SLMAP: variants seen among roughly 807,000 people sequenced by gnomAD.
SLMAP encodes sarcolemmal membrane-associated protein.
In SLMAP, 44 loss-of-function variants were observed where a neutral mutation model predicts 128.8. That is an observed-to-expected ratio of 0.34 (90% CI 0.27 to 0.44). The LOEUF (loss-of-function observed/expected upper bound fraction) is 0.44, where lower values mean the gene tolerates loss of function less well. SLMAP is among the 20% of genes least tolerant of loss of function. The pLI is 1.00. For missense variants in SLMAP, 787 were observed against 985.3 expected (o/e 0.80, Z 2.69); for synonymous variants, 327 against 348.8 (o/e 0.94, Z 0.70).
At chr3:57,895,412 T>C (rs568146836) in intron 15 of SLMAP, among the ~76,000 whole-genome samples, 2 of 152,210 alleles carry the variant, frequency 1.3e-5, no homozygotes, top group East Asian at 3.9e-4. Flanking sequence ...CTCGGCTCAC[T>C]GCAACCTCCA....
intron 17 of SLMAP, among the ~76,000 whole-genome samples, chr3:57,905,824 G>A (rs1205077271): frequency 3.3e-5 from 5 of 151,954 alleles, no homozygotes; most frequent in Non-Finnish European, 7.4e-5. Context: ...CCTCCCAGGG[G>A]ACATTTGGCA....
chr3:57,822,086 T>C (rs2092572517), intron 2 of SLMAP, among the ~76,000 whole-genome samples: 1 of 152,124 alleles, frequency 6.6e-6, no homozygotes, highest in South Asian at 2.1e-4. Flanking sequence ...CAGTTTAGGG[T>C]TGCTCTCCAT....
intron 2 of SLMAP, among the ~76,000 whole-genome samples, chr3:57,775,527 A>AT (rs968085865): frequency 6.0e-5 from 9 of 148,900 alleles, no homozygotes; most frequent in African/African-American, 2.0e-4. Context: ...AAAAAAAAAA[A>AT]AAAAAAAAAA....
intron 17 of SLMAP, among the ~76,000 whole-genome samples, chr3:57,906,318 T>TCTTTTC: frequency 8.3e-6 from 1 of 120,190 alleles, no homozygotes; most frequent in Admixed American, 8.8e-5. Context: ...TTCTTTTTTT[T>TCTTTTC]TTTTTTTTTT....
Position 57,858,114 on chromosome 3 carries a change from A to T in SLMAP, c.642A>T (p.Leu214Phe). ...CTTTAATAGATGAAGATAGACTCTT[A>T]TCACGGTTAGAAGTTATGGGAAACC... ...WQALIDEDRL[L>F]SRLEVMGNQL... Residue 214 changes from leucine (L) to phenylalanine (F), a missense_variant, in exon 8 of 25, where the codon TTA (leucine) becomes TTT (phenylalanine). Transcript: ENST00000671191. The T allele has an allele frequency of 6.3e-7, 1 of 1,599,728 alleles. No individual in the cohort carries two copies. The highest frequency in any genetic ancestry group is 8.6e-7 in the Non-Finnish European group (1 of 1,167,038).
At chr3:57,783,153 C>A (rs1381887258) in intron 2 of SLMAP, among the ~76,000 whole-genome samples, 2 of 152,122 alleles carry the variant, frequency 1.3e-5, no homozygotes, top group African/African-American at 4.8e-5. Flanking sequence ...TTTGGAGGAG[C>A]AGGCTAGGAA....
At chr3:57,783,678 CTGTT>C (rs1232514977) in intron 2 of SLMAP, among the ~76,000 whole-genome samples, 1 of 152,160 alleles carries the variant, frequency 6.6e-6, no homozygotes, top group Non-Finnish European at 1.5e-5. Flanking sequence ...GGCCAAGTAA[CTGTT>C]TGCTAAGGAG....
At position 57,928,877 on chromosome 3, in the gene SLMAP, G is replaced by T. The variant is rs1269719733; in HGVS notation, c.*1588G>T. On this transcript the variant is annotated 3_prime_UTR_variant, in exon 25 of 25. Coordinates refer to ENST00000671191, the MANE Select transcript of SLMAP (RefSeq NM_001377540.1). ...ATTTATGGAGGAATTAGTCACAAAT[G>T]ACTTGTAGAAAATACTGTCATATAG... is the stretch of plus-strand genomic sequence containing the variant. The T allele has an allele frequency of 6.6e-6, 1 of 152,548 alleles. No individual in the cohort carries two copies. Among genetic ancestry groups the T allele is most frequent in the African/African-American group, 2.4e-5 (1 of 41,440 alleles). The allele number at this position is 152,548 out of a possible 1,614,324, so 9.4% of individuals were successfully genotyped here. A position where few individuals can be genotyped will look rare whatever the true frequency, so the allele number is the denominator to read the frequency against.
At position 57,769,495 on chromosome 3, in the gene SLMAP, AT is replaced by A. The variant is rs1054899747; in HGVS notation, c.198+11657del. 5.2e-3 allele frequency among the ~76,000 whole-genome samples: 772 copies of A among 147,336 alleles called. 17 individuals carry two copies. Among genetic ancestry groups the A allele is most frequent in the Admixed American group, 0.043 (639 of 14,788 alleles). ...GGCATGAGCCACCGCGCCCGGCTGG[AT>A]TTTTTTTTTTAAGACACAAGGTCTC... is the stretch of plus-strand genomic sequence containing the variant. On this transcript the variant is annotated intron_variant, in intron 2 of 24. Coordinates refer to ENST00000671191, the MANE Select transcript of SLMAP (RefSeq NM_001377540.1).
At chr3:57,892,537 A>C (rs2153653409) in intron 15 of SLMAP, among the ~76,000 whole-genome samples, 1 of 152,216 alleles carries the variant, frequency 6.6e-6, no homozygotes, top group East Asian at 1.9e-4. Context: ...AGATTGACAA[A>C]ATGTGAGCCA....
intron 21 of SLMAP, among the ~76,000 whole-genome samples, chr3:57,913,522 G>A (rs2096743307): frequency 6.6e-6 from 1 of 151,838 alleles, no homozygotes; most frequent in Non-Finnish European, 1.5e-5. Context: ...ATGTCCCAAA[G>A]AAACCCTGAA....
chr3:57,848,503 T>TCTTCTTTCTTCTTCTTC (rs1302443082), intron 5 of SLMAP, among the ~76,000 whole-genome samples: 1 of 150,696 alleles, frequency 6.6e-6, no homozygotes, highest in South Asian at 2.1e-4. Flanking sequence ...CCTACTTCCT[T>TCTTCTTTCTTCTTCTTC]CTTCTTTCTT....
At chr3:57,923,691 G>T (rs577225114) in intron 23 of SLMAP, among the ~76,000 whole-genome samples, 2 of 152,198 alleles carry the variant, frequency 1.3e-5, no homozygotes, top group African/African-American at 2.4e-5. Flanking sequence ...GGTTGGTTGT[G>T]CTCTGACTTA....
intron 14 of SLMAP, among the ~76,000 whole-genome samples, chr3:57,873,698 A>T (rs183331521): frequency 2.6e-5 from 4 of 152,264 alleles, no homozygotes; most frequent in Admixed American, 1.3e-4. Flanking sequence ...TCTTTAGGCC[A>T]GGTGCTATGG....
At chr3:57,758,886 T>C (rs903729228) in intron 2 of SLMAP, among the ~76,000 whole-genome samples, 2 of 152,206 alleles carry the variant, frequency 1.3e-5, no homozygotes, top group Non-Finnish European at 2.9e-5. Context: ...GTAAGACTAA[T>C]AGGACTGTCT....
At chr3:57,869,930 CTCAT>C (rs1263200091) in intron 13 of SLMAP, among the ~76,000 whole-genome samples, 3 of 151,318 alleles carry the variant, frequency 2.0e-5, no homozygotes, top group Non-Finnish European at 4.4e-5. Context: ...CCATAGGAAA[CTCAT>C]TTATATAAAT....
chr3:57,872,774 G>A (rs1373070553), intron 14 of SLMAP, among the ~76,000 whole-genome samples: 2 of 152,128 alleles, frequency 1.3e-5, no homozygotes, highest in East Asian at 3.8e-4. Context: ...ATATTTTCTT[G>A]GTTTTGTTAA....
At chr3:57,816,934 G>A (rs1472990419) in intron 2 of SLMAP, among the ~76,000 whole-genome samples, 1 of 152,190 alleles carries the variant, frequency 6.6e-6, no homozygotes, top group Non-Finnish European at 1.5e-5. Flanking sequence ...TTGTGCAGGG[G>A]CACTGCTAGT....
intron 5 of SLMAP, among the ~76,000 whole-genome samples, chr3:57,849,067 G>A (rs1306494188): frequency 6.6e-6 from 1 of 150,898 alleles, no homozygotes; most frequent in East Asian, 2.0e-4. Context: ...AAGTGCAGTA[G>A]CGTGACACGG....
Sources: gnomAD v4.1 joint callset for allele counts (sites outside exome capture counted in the v4.1 genomes callset) on GRCh38, gnomAD v4.1.1 for gene constraint, MANE v1.5 for transcripts, NCBI Gene and HGNC (gene_info 2026-07-23, HGNC 2026-07-21) for gene names.